The following PCDHA2 variants were observed in gnomAD, a reference collection of about 807,000 sequenced individuals.
PCDHA2 encodes the protein protocadherin alpha 2.
Under a neutral mutation model 66.0 loss-of-function variants are expected in PCDHA2, and 58 were observed. That is an observed-to-expected ratio of 0.88 (90% CI 0.71 to 1.09). The LOEUF is 1.09. Ranked by LOEUF, PCDHA2 falls within the 50% of genes least tolerant of loss-of-function variation. PCDHA2 has a pLI of 0.00. For synonymous variants in PCDHA2, 634 were observed against 554.0 expected (o/e 1.14, Z -2.03); for missense variants, 1,267 against 1,242.3 (o/e 1.02, Z -0.30).
chr5:140,822,925 G>T (rs1160143508), intron 1 of PCDHA2: 2 of 1,614,144 alleles, frequency 1.2e-6, no homozygotes, highest in East Asian at 4.5e-5. Flanking sequence ...CAACGGGCAG[G>T]TGACCTGCTC....
chr5:140,869,014 T>C (rs929309556), intron 1 of PCDHA2: 5 of 1,524,414 alleles, frequency 3.3e-6, no homozygotes, highest in Admixed American at 2.2e-5. Flanking sequence ...TGAAACTTCT[T>C]AAGAATTCAA....
intron 1 of PCDHA2, among the ~76,000 whole-genome samples, chr5:140,919,272 T>C (rs1287919874): frequency 6.6e-6 from 1 of 152,258 alleles, no homozygotes; most frequent in Non-Finnish European, 1.5e-5. Context: ...GTGTAGTCAC[T>C]CCAGCTATCT....
rs554030052 is a variant in PCDHA2 at position 140,856,707 on chromosome 5, A to C, written c.2388+59355A>C. The C allele has an allele frequency of 4.6e-4, 729 of 1,596,628 alleles. 58 individuals carry two copies. The South Asian group carries it at 7.4e-3, about 16-fold the overall frequency. ...ACAGCAACTGATGGAGGCAAACCTGAATTTACCGGATCTGTTTCTCTGCTG... is the reference window on the plus strand; with the variant it reads ...ACAGCAACTGATGGAGGCAAACCTGCATTTACCGGATCTGTTTCTCTGCTG... On this transcript the variant is annotated intron_variant, in intron 1 of 3. Coordinates refer to ENST00000526136, the MANE Select transcript of PCDHA2 (RefSeq NM_018905.3).
chr5:140,951,520 A>G (rs904780831), intron 1 of PCDHA2, among the ~76,000 whole-genome samples: 6 of 151,972 alleles, frequency 3.9e-5, no homozygotes, highest in Admixed American at 2.0e-4. Context: ...CTCATCTTAC[A>G]TGGCCGGTGC....
chr5:140,934,523 C>T (rs782685676), intron 1 of PCDHA2, among the ~76,000 whole-genome samples: 15 of 152,236 alleles, frequency 9.9e-5, no homozygotes, highest in South Asian at 8.3e-4. Context: ...GACCACACTT[C>T]GAGAGCTACC....
At chr5:140,853,462 C>T (rs1386923717) in intron 1 of PCDHA2, 1 of 971,854 alleles carries the variant, frequency 1.0e-6, no homozygotes, top group African/African-American at 1.8e-5. Context: ...TCCTTATATG[C>T]ATCTGTAGTT....
chr5:140,797,160 CG>C lies in PCDHA2; in HGVS notation c.2197del (p.Ala733ArgfsTer62). On this transcript the variant is annotated frameshift_variant, in exon 1 of 4. Transcript: ENST00000526136. LOFTEE classifies it high-confidence loss of function. Reference sequence around the variant, plus strand: ...CGGTGCCACCCACCGAGGGTGCGCGCGCGCCAGGAAAGCCCACGCTGGTGTG... The same window carrying C: ...CGGTGCCACCCACCGAGGGTGCGCGCCGCCAGGAAAGCCCACGCTGGTGTG... ...CSVPPTEGAR[A>X]PGKPTLVCSS... The C allele has an allele frequency of 1.2e-6, 2 of 1,613,978 alleles. No homozygotes were observed. The highest frequency in any genetic ancestry group is 1.7e-6 in the Non-Finnish European group (2 of 1,179,996).
chr5:140,836,417 G>T, intron 1 of PCDHA2: 2 of 1,613,822 alleles, frequency 1.2e-6, no homozygotes, highest in Non-Finnish European at 1.7e-6. Flanking sequence ...CACCAAAGGC[G>T]TCGTCGCGGG....
intron 1 of PCDHA2, among the ~76,000 whole-genome samples, chr5:140,902,675 C>G (rs1554190566): frequency 1.3e-5 from 2 of 152,154 alleles, no homozygotes; most frequent in Admixed American, 1.3e-4. Flanking sequence ...GCAGTGTACA[C>G]CGTACCTAAT....
chr5:140,803,133 C>G (rs1554122593), intron 1 of PCDHA2: 2 of 1,613,726 alleles, frequency 1.2e-6, no homozygotes, highest in African/African-American at 1.3e-5. Context: ...CCCGCGCCAT[C>G]GCCTACTGGT....
At chr5:140,829,351 C>T in intron 1 of PCDHA2, 1 of 1,614,246 alleles carries the variant, frequency 6.2e-7, no homozygotes, top group South Asian at 1.1e-5. Flanking sequence ...GCGTGTCGGC[C>T]TATGAGTTGG....
chr5:140,845,872 C>T (rs1261726866), intron 1 of PCDHA2, among the ~76,000 whole-genome samples: 3 of 149,504 alleles, frequency 2.0e-5, no homozygotes, highest in Non-Finnish European at 4.5e-5. Flanking sequence ...AGAAAGGCAA[C>T]CTAAAATGTC....
At chr5:140,984,588 T>C (rs1338170509) in intron 3 of PCDHA2, among the ~76,000 whole-genome samples, 1 of 152,170 alleles carries the variant, frequency 6.6e-6, no homozygotes, top group Non-Finnish European at 1.5e-5. Flanking sequence ...AATCATACTT[T>C]TCAATACATA....
intron 1 of PCDHA2, among the ~76,000 whole-genome samples, chr5:140,931,212 T>A (rs556351535): frequency 3.5e-4 from 54 of 152,168 alleles, no homozygotes; most frequent in Non-Finnish European, 3.5e-4. Context: ...GTATTTCAGG[T>A]ATCAGAGCAC....
rs1554119251 is a variant in PCDHA2, at chr5:140,795,087, C to T, written c.123C>T (p.His41=). ...ACTCCGTCCCCGAGGAGGCCAAACA[C>T]GGCACCTTCGTGGGCCGCATCGCGC... ...LRYSVPEEAK[H]GTFVGRIAQD... The change falls in exon 1 of 4, where the codon CAC becomes CAT. Residue 41 remains histidine (H), a synonymous_variant. Transcript: ENST00000526136. The T allele has an allele frequency of 6.8e-6, 11 of 1,613,996 alleles. No individual in the cohort carries two copies. Among genetic ancestry groups the T allele is most frequent in the Admixed American group, 1.7e-5 (1 of 60,030 alleles).
At chr5:140,973,325 A>G (rs180770098) in intron 1 of PCDHA2, among the ~76,000 whole-genome samples, 71 of 152,216 alleles carry the variant, frequency 4.7e-4, no homozygotes, top group African/African-American at 1.7e-3. Context: ...CAGAGTTTAC[A>G]CTCGTTGTAA....
At chr5:140,916,647 C>T (rs2077666767) in intron 1 of PCDHA2, among the ~76,000 whole-genome samples, 1 of 152,180 alleles carries the variant, frequency 6.6e-6, no homozygotes, top group African/African-American at 2.4e-5. Context: ...TGTGGCTGAG[C>T]TGGTATCCAA....
intron 1 of PCDHA2, chr5:140,807,806 G>A (rs1554124286): frequency 6.2e-7 from 1 of 1,614,160 alleles, no homozygotes; most frequent in South Asian, 1.1e-5. Context: ...AGAAGCTCCG[G>A]AGATTTTTTT....
In PCDHA2 at chr5:141,010,450, G is replaced by T; in HGVS notation, c.*513G>T. 7.6e-6 allele frequency: 7 copies of T among 920,886 alleles called. No homozygotes were observed. The South Asian group carries it at 1.3e-4, about 17-fold the overall frequency. The allele number at this position is 920,886 out of a possible 1,614,324, so 57.0% of individuals were successfully genotyped here. A position where few individuals can be genotyped will look rare whatever the true frequency, so the allele number is the denominator to read the frequency against. ...AAGAAAACAAAGACAAATAAACAGC[G>T]GAAGTTATCAGTATGGAGGGGAAGT... is the stretch of plus-strand genomic sequence containing the variant. On this transcript the variant is annotated 3_prime_UTR_variant, in exon 4 of 4. Transcript: ENST00000526136.
Sources: allele counts gnomAD v4.1 joint callset (sites outside exome capture counted in the v4.1 genomes callset), GRCh38; gene constraint gnomAD v4.1.1; transcripts MANE v1.5; gene names NCBI Gene and HGNC (gene_info 2026-07-23, HGNC 2026-07-21).